Variants in PCBP3 observed in about 807,000 individuals in gnomAD.
PCBP3 encodes poly(rC) binding protein 3, also known as poly(rC)-binding protein 3.
Under a neutral mutation model 52.7 loss-of-function variants are expected in PCBP3, and 25 were observed. The ratio of observed to expected loss-of-function variants is 0.47; its 90% CI spans 0.35 to 0.66. The LOEUF is 0.66. Among genes scored for constraint, PCBP3 ranks in the 30% least tolerant of loss-of-function variants. The probability of loss-of-function intolerance (pLI) is 0.01; values close to 1 mark genes in which losing one functional copy is unlikely to be tolerated. For synonymous variants in PCBP3, 162 were observed against 183.0 expected, an observed-to-expected ratio of 0.89 and a Z score of 0.93; for missense variants, 391 against 490.3, an observed-to-expected ratio of 0.80 and a Z score of 1.91.
At chr21:45,888,685 T>C (rs1469404514) in intron 5 of PCBP3, among the ~76,000 whole-genome samples, 1 of 152,272 alleles carries the variant, frequency 6.6e-6, no homozygotes, top group African/African-American at 2.4e-5. Context: ...AATTCTTAAA[T>C]CCCTGGTGGG....
At position 45,688,799 on chromosome 21, in the gene PCBP3, C is replaced by T. The variant is rs1603264839; in HGVS notation, c.-200+19847C>T. Reference sequence around the variant, plus strand: ...AGACATCATTACAGATCTTACAACACTGAAAAGGCTAATGATGCAATATTT... The same window carrying T: ...AGACATCATTACAGATCTTACAACATTGAAAAGGCTAATGATGCAATATTT... On this transcript the variant is annotated intron_variant, in intron 2 of 17. Coordinates refer to ENST00000681687, the MANE Select transcript of PCBP3 (RefSeq NM_001384156.1). Among the ~76,000 whole-genome samples, 4 of 151,676 alleles carry T rather than the reference C, an allele frequency of 2.6e-5. No individual in the cohort carries two copies. In the South Asian group the frequency reaches 8.3e-4, roughly 31 times the overall value.
At chr21:45,858,750 A>T (rs2094401417) in intron 5 of PCBP3, 1 of 152,032 alleles carries the variant, frequency 6.6e-6, no homozygotes, top group South Asian at 2.1e-4. Context: ...CCCCACCCAA[A>T]TCTCATCTTG....
chr21:45,693,727 A>G (rs1306692961), intron 2 of PCBP3, among the ~76,000 whole-genome samples: 1 of 152,128 alleles, frequency 6.6e-6, no homozygotes, highest in East Asian at 1.9e-4. Context: ...GGGCAACATA[A>G]ATATGTTCTC....
intron 5 of PCBP3, among the ~76,000 whole-genome samples, chr21:45,888,492 A>T (rs1435730586): frequency 1.3e-5 from 2 of 152,064 alleles, no homozygotes; most frequent in Non-Finnish European, 2.9e-5. Flanking sequence ...CCCCTCACTC[A>T]CCTGGGTCTC....
Position 45,669,801 on chromosome 21 carries a change from GTGTGTATATATATATATATATATATATA to G in PCBP3, c.-200+851_-200+878del, listed in dbSNP as rs908398496. Among the ~76,000 whole-genome samples, 27 of 69,050 alleles carry G rather than the reference GTGTGTATATATATATATATATATATATA, an allele frequency of 3.9e-4. No homozygotes were observed. In the South Asian group the frequency reaches 5.8e-3, roughly 15 times the overall value. The allele number at this position is 69,050 out of a possible 152,430, so 45.3% of individuals were successfully genotyped here. The stretch of plus-strand genomic sequence containing the variant: ...ATAATATTCCATTGTGTGTGTGTGT[GTGTGTATATATATATATATATATATATA>G]TATATATATATATATATCACATTTT... On this transcript the variant is annotated intron_variant, in intron 2 of 17. Transcript: ENST00000681687.
At chr21:45,715,687 G>A (rs536383828) in intron 2 of PCBP3, among the ~76,000 whole-genome samples, 191 of 152,314 alleles carry the variant, frequency 1.3e-3, no homozygotes, top group Non-Finnish European at 2.4e-3. Flanking sequence ...TAGTGAATGT[G>A]AAGTAGTATA....
intron 5 of PCBP3, among the ~76,000 whole-genome samples, chr21:45,888,890 A>G (rs1008523027): frequency 1.3e-5 from 2 of 151,984 alleles, no homozygotes; most frequent in South Asian, 2.1e-4. Flanking sequence ...TAAATCACAC[A>G]TGGACAGTAT....
At chr21:45,662,485 T>C (rs922115418) in intron 1 of PCBP3, among the ~76,000 whole-genome samples, 1 of 151,812 alleles carries the variant, frequency 6.6e-6, no homozygotes, top group African/African-American at 2.4e-5. Context: ...GAAGAGTTTT[T>C]CTGTGGGCGG....
At chr21:45,832,053 C>T (rs1250670715) in intron 4 of PCBP3, among the ~76,000 whole-genome samples, 1 of 152,174 alleles carries the variant, frequency 6.6e-6, no homozygotes, top group Non-Finnish European at 1.5e-5. Flanking sequence ...AGAATGGCTA[C>T]TTCATACGCA....
At chr21:45,816,588 A>G (rs1476514248) in intron 4 of PCBP3, among the ~76,000 whole-genome samples, 1 of 145,968 alleles carries the variant, frequency 6.9e-6, no homozygotes, top group South Asian at 2.3e-4. Flanking sequence ...GCACAGGGTC[A>G]GAATCGTGCA....
At chr21:45,815,533 T>G (rs865943724) in intron 4 of PCBP3, among the ~76,000 whole-genome samples, 5 of 22,542 alleles carry the variant, frequency 2.2e-4, no homozygotes, top group Non-Finnish European at 3.6e-4. Context: ...GATGAGTGAG[T>G]GGTGAGTAGT....
At chr21:45,814,495 G>C (rs2092779958) in intron 4 of PCBP3, among the ~76,000 whole-genome samples, 1 of 104,330 alleles carries the variant, frequency 9.6e-6, no homozygotes, top group Non-Finnish European at 2.0e-5. Flanking sequence ...AGTGGTGAGT[G>C]AGTGGTGAGT....
At chr21:45,878,311 T>C (rs2095317751) in intron 5 of PCBP3, among the ~76,000 whole-genome samples, 1 of 152,244 alleles carries the variant, frequency 6.6e-6, no homozygotes, top group South Asian at 2.1e-4. Flanking sequence ...CCGGGGCTGT[T>C]TCGTGTCTCT....
At position 45,656,006 on chromosome 21, in the gene PCBP3, A is replaced by G. The variant is rs2079994635; in HGVS notation, c.-279+12138A>G. Among the ~76,000 whole-genome samples the G allele has an allele frequency of 6.6e-6, 1 of 152,200 alleles. No homozygotes were observed. The highest frequency in any genetic ancestry group is 2.1e-4 in the South Asian group (1 of 4,832). The stretch of plus-strand genomic sequence containing the variant: ...AGTCAGGAAACAACAGATGCTGGAG[A>G]GGATGTGGAGAAATAGGAAAGCTTT... On this transcript the variant is annotated intron_variant, in intron 1 of 17. Coordinates refer to ENST00000681687, the MANE Select transcript of PCBP3 (RefSeq NM_001384156.1). This position sits in a 1 kb window ranked among gnomAD's most constrained non-coding sequence, Gnocchi z 4.3.
rs1244707256 is a variant in PCBP3, at chr21:45,830,014, G to C, written c.-125-19947G>C. 2 of 152,748 alleles carry C rather than the reference G, an allele frequency of 1.3e-5. No homozygotes were observed. The highest frequency in any genetic ancestry group is 4.8e-5 in the African/African-American group (2 of 41,472). The allele number at this position is 152,748 out of a possible 1,614,324, so 9.5% of individuals were successfully genotyped here. A position where few individuals can be genotyped will look rare whatever the true frequency, so the allele number is the denominator to read the frequency against. On this transcript the variant is annotated intron_variant, in intron 4 of 17. Coordinates refer to ENST00000681687, the MANE Select transcript of PCBP3 (RefSeq NM_001384156.1). This position sits in a 1 kb window ranked among gnomAD's most constrained non-coding sequence, Gnocchi z 4.4. ...TGGTCTCCACCTTAGTTTGGGGCCT[G>C]CCTGCTCAGCAGGGTAGTGGCCTCC...
At chr21:45,933,434 A>G (rs1014572069) in intron 15 of PCBP3, among the ~76,000 whole-genome samples, 2 of 152,206 alleles carry the variant, frequency 1.3e-5, no homozygotes, top group African/African-American at 2.4e-5. Context: ...CCTCCCTTCA[A>G]TCAAAATATC....
intron 3 of PCBP3, among the ~76,000 whole-genome samples, chr21:45,747,625 C>T (rs901428015): frequency 1.3e-5 from 2 of 152,230 alleles, no homozygotes; most frequent in Non-Finnish European, 2.9e-5. Context: ...AGGTCTTGGC[C>T]GGCTGGGGCA....
intron 4 of PCBP3, among the ~76,000 whole-genome samples, chr21:45,783,526 T>C (rs1173945279): frequency 6.6e-6 from 1 of 152,034 alleles, no homozygotes; most frequent in East Asian, 1.9e-4. Flanking sequence ...AAAAGAGGAA[T>C]GGAGAAGGGG....
rs1464435530 is a variant in PCBP3 at position 45,802,395 on chromosome 21, C to T, written c.-126+46943C>T. Among the ~76,000 whole-genome samples the T allele has an allele frequency of 6.6e-6, 1 of 152,220 alleles. No homozygotes were observed. Among genetic ancestry groups the T allele is most frequent in the Non-Finnish European group, 1.5e-5 (1 of 68,042 alleles). Reference sequence around the variant, plus strand: ...GATGGCATCACCTCCCTTCACTCGCCTCTTCTTAGCTTGTTCATTAAAAAC... The same window carrying T: ...GATGGCATCACCTCCCTTCACTCGCTTCTTCTTAGCTTGTTCATTAAAAAC... On this transcript the variant is annotated intron_variant, in intron 4 of 17. Transcript: ENST00000681687. This position sits in a 1 kb window ranked among gnomAD's most constrained non-coding sequence, Gnocchi z 5.1.
Sources: allele counts gnomAD v4.1 joint callset (sites outside exome capture counted in the v4.1 genomes callset), GRCh38; gene constraint gnomAD v4.1.1; non-coding constraint Gnocchi (gnomAD v3.1); transcripts MANE v1.5; gene names NCBI Gene and HGNC (gene_info 2026-07-23, HGNC 2026-07-21).